RNF125: variants seen among roughly 807,000 people sequenced by gnomAD.
RNF125 encodes ring finger protein 125.
Under a neutral mutation model 26.0 loss-of-function variants are expected in RNF125, and 21 were observed. The observed-to-expected ratio is 0.81, with a 90% confidence interval of 0.57 to 1.16. The LOEUF is 1.16. RNF125 is among the 50% of genes most tolerant of loss of function. RNF125 has a pLI of 0.00. For missense variants in RNF125, 270 were observed against 299.4 expected (o/e 0.90, Z 0.72); for synonymous variants, 95 against 109.2 (o/e 0.87, Z 0.81).
chr18:32,030,894 G>T (rs1025039510), intron 1 of RNF125: 4 of 152,060 alleles, frequency 2.6e-5, no homozygotes, highest in Admixed American at 2.0e-4. Context: ...AGAGATGGGG[G>T]TCTCACTATG....
intron 2 of RNF125, among the ~76,000 whole-genome samples, chr18:32,039,777 C>CTTTT (rs1337442183): frequency 2.8e-4 from 35 of 123,408 alleles, no homozygotes; most frequent in Admixed American, 1.9e-3. Flanking sequence ...CTTTGAGATA[C>CTTTT]TTTTTTTTTT....
chr18:32,045,881 T>C (rs1422013510), intron 4 of RNF125, 149 bp downstream of exon 4: 2 of 537,324 alleles, frequency 3.7e-6, no homozygotes, highest in African/African-American at 3.9e-5. Context: ...TTACAATGTG[T>C]GAAAGTGTTC....
At position 32,037,168 on chromosome 18, in the gene RNF125, C is replaced by T; in HGVS notation, c.217C>T (p.Pro73Ser). ...TSLKNNKWTC[P>S]YCRAYLPSEG... ...TCTAAAGAACAACAAGTGGACCTGT[C>T]CTTATTGCCGGGCATATCTTCCTTC... Residue 73 changes from proline to serine, a missense_variant, in exon 2 of 6, where the codon CCT (proline) becomes TCT (serine). Coordinates refer to ENST00000217740, the MANE Select transcript of RNF125 (RefSeq NM_017831.4). The T allele has an allele frequency of 6.2e-7, 1 of 1,607,426 alleles. No homozygotes were observed. The highest frequency in any genetic ancestry group is 8.5e-7 in the Non-Finnish European group (1 of 1,177,672).
intron 4 of RNF125, among the ~76,000 whole-genome samples, chr18:32,055,094 C>T (rs1248736990): frequency 6.6e-6 from 1 of 151,584 alleles, no homozygotes; most frequent in Non-Finnish European, 1.5e-5. Flanking sequence ...CCCATGAGTT[C>T]AAGGCCAGCC....
At chr18:32,076,415 GA>G (rs2039570923), downstream of RNF125, 1 of 175,482 alleles carries the variant, frequency 5.7e-6, no homozygotes, top group Non-Finnish European at 1.2e-5. Context: ...TTTTGGGCTT[GA>G]GCCATCCTCC....
the RNF125 span, among the ~76,000 whole-genome samples, chr18:32,080,456 G>T: frequency 2.6e-5 from 4 of 152,210 alleles, no homozygotes; most frequent in Non-Finnish European, 5.9e-5. Flanking sequence ...GTATTTCAAG[G>T]ATGTGTCCTC....
chr18:32,080,321 G>C, the RNF125 span, among the ~76,000 whole-genome samples: 78 of 152,288 alleles, frequency 5.1e-4, no homozygotes, highest in African/African-American at 1.8e-3. Context: ...GAGCCACCAC[G>C]TCCGGCCTAT....
At chr18:32,042,075 A>G in intron 2 of RNF125, 104 bp from the exon 3 acceptor site, 1 of 767,256 alleles carries the variant, frequency 1.3e-6, no homozygotes, top group South Asian at 1.5e-5. Flanking sequence ...TAGTCAGTTG[A>G]TCCCACAGTA....
chr18:32,039,966 A>T (rs1367617827), intron 2 of RNF125, among the ~76,000 whole-genome samples: 1 of 151,590 alleles, frequency 6.6e-6, no homozygotes, highest in Non-Finnish European at 1.5e-5. Context: ...TTTAGTAGAG[A>T]CGTGGTTTCA....
chr18:32,035,822 A>T (rs2039146777), intron 1 of RNF125, among the ~76,000 whole-genome samples: 1 of 152,200 alleles, frequency 6.6e-6, no homozygotes, highest in Non-Finnish European at 1.5e-5. Flanking sequence ...GTTAAAATAC[A>T]TTTTAAAAAG....
At chr18:32,064,399 T>TTTTC in intron 4 of RNF125, among the ~76,000 whole-genome samples, 2 of 119,472 alleles carry the variant, frequency 1.7e-5, no homozygotes, top group South Asian at 2.7e-4. Context: ...TCTTTTTCTT[T>TTTTC]TTTTTTTTTT....
intron 2 of RNF125, 166 bp from the exon 3 acceptor site, chr18:32,042,013 T>C: frequency 1.6e-6 from 1 of 611,050 alleles, no homozygotes; most frequent in Non-Finnish European, 2.9e-6. Flanking sequence ...ATAGTAGTAT[T>C]CTTGATAATG....
intron 4 of RNF125, among the ~76,000 whole-genome samples, chr18:32,062,683 G>A (rs1229939105): frequency 1.3e-5 from 2 of 152,088 alleles, no homozygotes; most frequent in Non-Finnish European, 2.9e-5. Context: ...TTGATAAATT[G>A]GACACTGTTA....
chr18:32,039,730 C>G (rs2039196951), intron 2 of RNF125, among the ~76,000 whole-genome samples: 1 of 151,824 alleles, frequency 6.6e-6, no homozygotes, highest in Non-Finnish European at 1.5e-5. Flanking sequence ...TCCCCCTCCC[C>G]CATTATCTGA....
At chr18:32,046,423 T>C (rs1294443896) in intron 4 of RNF125, among the ~76,000 whole-genome samples, 5 of 151,490 alleles carry the variant, frequency 3.3e-5, no homozygotes, top group African/African-American at 9.7e-5. Flanking sequence ...AGTGAAACCC[T>C]GTCTCTACTT....
At chr18:32,079,184 T>C in the RNF125 span, among the ~76,000 whole-genome samples, 1 of 152,168 alleles carries the variant, frequency 6.6e-6, no homozygotes, top group East Asian at 1.9e-4. Flanking sequence ...TAACAGATTT[T>C]TGGACAGCCG....
At chr18:32,055,580 T>C (rs1307819014) in intron 4 of RNF125, among the ~76,000 whole-genome samples, 2 of 152,130 alleles carry the variant, frequency 1.3e-5, no homozygotes, top group African/African-American at 4.8e-5. Flanking sequence ...CCATCAGATC[T>C]TGTGAGAACT....
chr18:32,039,986 C>T (rs1395491891), intron 2 of RNF125, among the ~76,000 whole-genome samples: 6 of 151,916 alleles, frequency 3.9e-5, no homozygotes, highest in Admixed American at 1.3e-4. Flanking sequence ...ACCATGTTGG[C>T]CAGGCTGGTC....
chr18:32,018,985 T>C lies in RNF125; in HGVS notation c.122T>C (p.Leu41Pro), dbSNP rs979916916. Reference sequence around the variant, plus strand: ...ACGTCCTTCGACTGCGCCGTGTGCCTTGAGGTGTTACACCAGCCTGTCCGG... The same window carrying C: ...ACGTCCTTCGACTGCGCCGTGTGCCCTGAGGTGTTACACCAGCCTGTCCGG... ...PVTSFDCAVC[L>P]EVLHQPVRTR... Residue 41 changes from leucine to proline, a missense_variant, in exon 1 of 6, where the codon CTT becomes CCT. Coordinates refer to ENST00000217740, the MANE Select transcript of RNF125 (RefSeq NM_017831.4). 70 of 1,613,532 alleles carry C rather than the reference T, an allele frequency of 4.3e-5. No individual in the cohort carries two copies. Among genetic ancestry groups the C allele is most frequent in the Non-Finnish European group, 5.3e-5 (63 of 1,179,848 alleles).
Sources: gnomAD v4.1 joint callset for allele counts (sites outside exome capture counted in the v4.1 genomes callset) on GRCh38, gnomAD v4.1.1 for gene constraint, MANE v1.5 for transcripts, NCBI Gene and HGNC (gene_info 2026-07-23, HGNC 2026-07-21) for gene names.